The following AP3S2 variants were observed in gnomAD, a reference collection of about 807,000 sequenced individuals.
AP3S2 encodes AP-3 complex subunit sigma-2.
Under a neutral mutation model 23.4 loss-of-function variants are expected in AP3S2, and 22 were observed. That is an observed-to-expected ratio of 0.94 (90% confidence interval 0.67 to 1.34). The LOEUF (loss-of-function observed/expected upper bound fraction) is 1.34. AP3S2 is among the 40% of genes most tolerant of loss of function. The probability of loss-of-function intolerance (pLI) is 0.00; values close to 1 mark genes in which losing one functional copy is unlikely to be tolerated. For missense variants in AP3S2, 241 were observed against 236.9 expected (o/e 1.02, Z -0.11); for synonymous variants, 86 against 87.1 (o/e 0.99, Z 0.07).
chr15:89,884,381 G>T (rs1248816049), intron 3 of AP3S2, among the ~76,000 whole-genome samples: 4 of 151,190 alleles, frequency 2.6e-5, no homozygotes, highest in African/African-American at 9.7e-5. Flanking sequence ...ATAATTTTAG[G>T]GCTAGAAAAG....
At chr15:89,867,850 G>A (rs1019598194) in intron 4 of AP3S2, among the ~76,000 whole-genome samples, 22 of 127,108 alleles carry the variant, frequency 1.7e-4, no homozygotes, top group Middle Eastern at 4.4e-3. Context: ...GAGCCTCTCC[G>A]CCCGGCAGCC....
intron 4 of AP3S2, among the ~76,000 whole-genome samples, chr15:89,863,157 G>T (rs1387535219): frequency 6.6e-6 from 1 of 152,130 alleles, no homozygotes; most frequent in Non-Finnish European, 1.5e-5. Flanking sequence ...AAAAGGTGAT[G>T]ACTAGGAAAC....
Position 89,884,368 on chromosome 15 carries a change from G to C in AP3S2, c.273+4153C>G, listed in dbSNP as rs190555894. Among the ~76,000 whole-genome samples, 95 of 151,426 alleles carry C rather than the reference G, an allele frequency of 6.3e-4. No homozygotes were observed. In the South Asian group the frequency reaches 0.012, roughly 20 times the overall value. ...AATAGTATGCAGTTTTCCTGCTAAA[G>C]AAATAATTTTAGGGCTAGAAAAGAA... On this transcript the variant is annotated intron_variant, in intron 3 of 5. Transcript: ENST00000336418.
At chr15:89,882,468 A>C (rs1253747073) in intron 3 of AP3S2, among the ~76,000 whole-genome samples, 2 of 151,026 alleles carry the variant, frequency 1.3e-5, no homozygotes, top group Non-Finnish European at 2.9e-5. Context: ...AGGTTCTCCT[A>C]CCTCAGCCTC....
intron 4 of AP3S2, among the ~76,000 whole-genome samples, chr15:89,840,833 C>T (rs138350247): frequency 1.3e-4 from 20 of 152,298 alleles, no homozygotes; most frequent in African/African-American, 4.8e-4. Flanking sequence ...GTGCTGATTC[C>T]GGAGCTCATG....
chr15:89,846,992 GC>G (rs552313902), intron 4 of AP3S2, among the ~76,000 whole-genome samples: 128 of 152,214 alleles, frequency 8.4e-4, no homozygotes, highest in Non-Finnish European at 1.5e-3. Flanking sequence ...TTTCTAGGAT[GC>G]TATCACCTCA....
At chr15:89,890,622 A>G (rs933243825) in intron 1 of AP3S2, among the ~76,000 whole-genome samples, 10 of 152,234 alleles carry the variant, frequency 6.6e-5, no homozygotes, top group African/African-American at 2.4e-4. Flanking sequence ...ATGCAAGTCT[A>G]GTAAGCACCC....
At position 89,888,541 on chromosome 15, in the gene AP3S2, C is replaced by T. The variant is rs773919208; in HGVS notation, c.253G>A (p.Gly85Arg). Reference sequence around the variant, plus strand: ...CATACCTGGATGAGGTCCAAGATTCCAAGTTCACTCTCTGAGGAATCCACA... The same window carrying T: ...CATACCTGGATGAGGTCCAAGATTCTAAGTTCACTCTCTGAGGAATCCACA... ...FCVDSSESELGILDLIQVFVE... is the reference protein window; with the variant it reads ...FCVDSSESELRILDLIQVFVE... Residue 85 changes from glycine to arginine, a missense_variant, in exon 3 of 6, where the codon GGA becomes AGA. By Grantham distance (125) the Gly-to-Arg change is moderately radical (BLOSUM62 -2). Coordinates refer to ENST00000336418, the MANE Select transcript of AP3S2 (RefSeq NM_005829.5). 4.3e-6 allele frequency: 7 copies of T among 1,614,158 alleles called. No homozygotes were observed.
chr15:89,876,987 A>T, intron 3 of AP3S2: 2 of 280,430 alleles, frequency 7.1e-6, no homozygotes, highest in South Asian at 6.9e-5. Flanking sequence ...AATCCAGTGA[A>T]ATTTGCTGAA....
At chr15:89,837,066 T>C (rs1473893886) in intron 5 of AP3S2, among the ~76,000 whole-genome samples, 4 of 152,212 alleles carry the variant, frequency 2.6e-5, no homozygotes, top group Non-Finnish European at 4.4e-5. Context: ...TGTGAACATC[T>C]CTATCAAGCC....
At chr15:89,857,077 GACAA>G (rs1459839669) in intron 4 of AP3S2, among the ~76,000 whole-genome samples, 1 of 152,102 alleles carries the variant, frequency 6.6e-6, no homozygotes, top group Non-Finnish European at 1.5e-5. Flanking sequence ...TGAGCAAGAA[GACAA>G]ACAGTTTGGA....
At chr15:89,848,572 G>C (rs1319650838) in intron 4 of AP3S2, 1 of 152,352 alleles carries the variant, frequency 6.6e-6, no homozygotes, top group Non-Finnish European at 1.5e-5. Context: ...GTGTTAGCCA[G>C]GATGGTCTCG....
At chr15:89,891,695 C>T (rs1896825498) in intron 1 of AP3S2, among the ~76,000 whole-genome samples, 1 of 151,130 alleles carries the variant, frequency 6.6e-6, no homozygotes, top group African/African-American at 2.4e-5. Flanking sequence ...CACTTTACAC[C>T]CACTAAAATG....
chr15:89,890,095 G>A (rs762236078), intron 1 of AP3S2, among the ~76,000 whole-genome samples: 5 of 152,008 alleles, frequency 3.3e-5, no homozygotes, highest in Non-Finnish European at 7.4e-5. Flanking sequence ...GTCTTGTTCT[G>A]TTGCCCAGGC....
intron 4 of AP3S2, chr15:89,850,790 T>G (rs947948239): frequency 6.6e-6 from 1 of 151,882 alleles, no homozygotes; most frequent in Non-Finnish European, 1.5e-5. Flanking sequence ...TGATCATGGC[T>G]CACTGCAGCC....
At chr15:89,838,048 C>A in intron 4 of AP3S2, 1 of 273,204 alleles carries the variant, frequency 3.7e-6, no homozygotes, top group Non-Finnish European at 7.2e-6. Context: ...GCTTCAGCCT[C>A]CTTCCAGGAT....
At chr15:89,839,415 G>T (rs1305337966) in intron 4 of AP3S2, among the ~76,000 whole-genome samples, 1 of 152,060 alleles carries the variant, frequency 6.6e-6, no homozygotes, top group African/African-American at 2.4e-5. Context: ...ACTCTCACGA[G>T]GTGTTCTTAC....
intron 3 of AP3S2, chr15:89,876,679 A>G (rs1485431534): frequency 2.0e-5 from 3 of 153,366 alleles, no homozygotes; most frequent in African/African-American, 7.2e-5. Context: ...CAAAGGATGC[A>G]TAAGAAGCTT....
chr15:89,864,246 G>C (rs1370311704), intron 4 of AP3S2, among the ~76,000 whole-genome samples: 1 of 152,060 alleles, frequency 6.6e-6, no homozygotes, highest in Non-Finnish European at 1.5e-5. Context: ...AAAATGGCTG[G>C]AACTGGAATT....
Sources: gnomAD v4.1 joint callset for allele counts (sites outside exome capture counted in the v4.1 genomes callset) on GRCh38, gnomAD v4.1.1 for gene constraint, MANE v1.5 for transcripts, NCBI Gene and HGNC (gene_info 2026-07-23, HGNC 2026-07-21) for gene names.